The following DLGAP1 variants were observed in gnomAD, a reference collection of about 807,000 sequenced individuals.
DLGAP1 encodes disks large-associated protein 1.
A neutral mutation model predicts 90.8 loss-of-function variants in DLGAP1; 11 were observed. That is an observed-to-expected ratio of 0.12 (90% CI 0.08 to 0.20). The LOEUF is 0.20. Among genes scored for constraint, DLGAP1 ranks in the 10% least tolerant of loss-of-function variants. DLGAP1 has a pLI of 1.00. For synonymous variants in DLGAP1, 558 were observed against 540.7 expected (o/e 1.03, Z -0.44); for missense variants, 1,050 against 1,333.8 (o/e 0.79, Z 3.31).
intron 3 of DLGAP1, among the ~76,000 whole-genome samples, chr18:3,988,026 T>C (rs908045858): frequency 5.9e-5 from 9 of 152,114 alleles, no homozygotes; most frequent in Non-Finnish European, 1.0e-4. Context: ...TACATTGTAA[T>C]ATGTAGTGGA....
At chr18:3,586,947 A>G (rs1213395838) in intron 7 of DLGAP1, among the ~76,000 whole-genome samples, 1 of 152,244 alleles carries the variant, frequency 6.6e-6, no homozygotes. Context: ...GTGAAACACC[A>G]GCCAATATGT....
intron 7 of DLGAP1, among the ~76,000 whole-genome samples, chr18:3,590,803 C>T (rs2056192226): frequency 6.6e-6 from 1 of 151,608 alleles, no homozygotes; most frequent in African/African-American, 2.4e-5. Flanking sequence ...TGCAGTGAGC[C>T]GCAGAGGTTG....
At chr18:4,297,371 TTGAA>T in intron 1 of DLGAP1, among the ~76,000 whole-genome samples, 1 of 152,266 alleles carries the variant, frequency 6.6e-6, no homozygotes, top group African/African-American at 2.4e-5. Context: ...GAAAAATTTA[TTGAA>T]ATATAATATC....
intron 9 of DLGAP1, among the ~76,000 whole-genome samples, chr18:3,552,557 G>A (rs1724596678): frequency 6.6e-6 from 1 of 152,114 alleles, no homozygotes; most frequent in Admixed American, 6.5e-5. Flanking sequence ...CGGGACCCTG[G>A]GGGCTGAGCG....
At chr18:4,269,034 T>G (rs1174560119) in intron 1 of DLGAP1, among the ~76,000 whole-genome samples, 2 of 152,042 alleles carry the variant, frequency 1.3e-5, no homozygotes, top group Non-Finnish European at 2.9e-5. Flanking sequence ...AATGTCAGAT[T>G]GATGGATTAT....
chr18:3,852,666 C>T (rs1475049710), intron 4 of DLGAP1, among the ~76,000 whole-genome samples: 1 of 151,988 alleles, frequency 6.6e-6, no homozygotes, highest in Non-Finnish European at 1.5e-5. Flanking sequence ...TTTTTCTATT[C>T]CCAATTTGTT....
intron 1 of DLGAP1, among the ~76,000 whole-genome samples, chr18:4,224,693 A>T (rs1309290503): frequency 6.6e-6 from 1 of 150,712 alleles, no homozygotes; most frequent in Non-Finnish European, 1.5e-5. Context: ...ATAGAGCACC[A>T]GGTAGGTTCC....
At chr18:3,542,973 C>G (rs2052776130) in intron 9 of DLGAP1, among the ~76,000 whole-genome samples, 1 of 152,176 alleles carries the variant, frequency 6.6e-6, no homozygotes, top group Non-Finnish European at 1.5e-5. Flanking sequence ...TAAACTTCAA[C>G]TAGGAGTCTC....
chr18:3,939,180 T>TCGGA (rs71297352), intron 3 of DLGAP1, among the ~76,000 whole-genome samples: 1 of 151,432 alleles, frequency 6.6e-6, no homozygotes, highest in Non-Finnish European at 1.5e-5. Context: ...CCCAGCACTT[T>TCGGA]GGCCAAGGTG....
chr18:4,217,355 A>G lies in DLGAP1; in HGVS notation c.-266-66068T>C, dbSNP rs73942719. 9.6e-3 allele frequency among the ~76,000 whole-genome samples: 1,469 copies of G among 152,266 alleles called. 29 individuals are homozygous for G. Among genetic ancestry groups the G allele is most frequent in the African/African-American group, 0.033 (1,364 of 41,546 alleles). On this transcript the variant is annotated intron_variant, in intron 1 of 12. Coordinates refer to ENST00000315677, the MANE Select transcript of DLGAP1 (RefSeq NM_004746.4). ...TGATATAAATATTCATGTTCAGGTT[A>G]CAGTGTGGAAATTAGTTTTTAACTG...
rs545689400 is a variant in DLGAP1, at chr18:3,794,658, C to G, written c.1172+19401G>C. On this transcript the variant is annotated intron_variant, in intron 5 of 12. Transcript: ENST00000315677. The stretch of plus-strand genomic sequence containing the variant: ...TGGGATTGAGTCATTCATGTGGGAC[C>G]ATACGTAGCCACAAAGGTGTGACTT... 1.3e-3 allele frequency among the ~76,000 whole-genome samples: 199 copies of G among 152,322 alleles called. 1 individual carries two copies. The highest frequency in any genetic ancestry group is 4.6e-3 in the African/African-American group (193 of 41,570).
intron 7 of DLGAP1, among the ~76,000 whole-genome samples, chr18:3,692,700 T>G (rs1319957521): frequency 6.6e-6 from 1 of 152,252 alleles, no homozygotes; most frequent in African/African-American, 2.4e-5. Context: ...CTCCTGTTAC[T>G]GAGTTCACAT....
chr18:4,394,147 G>A lies in DLGAP1; in HGVS notation c.-267+60859C>T, dbSNP rs377428920. Among the ~76,000 whole-genome samples, 7 of 151,480 alleles carry A rather than the reference G, an allele frequency of 4.6e-5. 1 individual carries two copies. The South Asian group carries it at 1.2e-3, about 27-fold the overall frequency. ...CTAAACATAATAAGGTGACAAGAAA[G>A]TTTCTGCATATGTGAAGACAAAACA... On this transcript the variant is annotated intron_variant, in intron 1 of 12. Transcript: ENST00000315677.
At chr18:4,268,846 G>A (rs988433238) in intron 1 of DLGAP1, among the ~76,000 whole-genome samples, 5 of 151,792 alleles carry the variant, frequency 3.3e-5, no homozygotes, top group African/African-American at 7.3e-5. Flanking sequence ...CTTTTACATC[G>A]GTCCAGTACC....
At chr18:3,932,402 T>C (rs190147061) in intron 3 of DLGAP1, among the ~76,000 whole-genome samples, 132 of 152,336 alleles carry the variant, frequency 8.7e-4, no homozygotes, top group African/African-American at 3.1e-3. Flanking sequence ...CTAAGCTCAG[T>C]GGCAGATGGG....
At chr18:4,183,086 C>A (rs951093316) in intron 1 of DLGAP1, among the ~76,000 whole-genome samples, 59 of 151,842 alleles carry the variant, frequency 3.9e-4, no homozygotes, top group African/African-American at 1.4e-3. Flanking sequence ...CCATCAGAAA[C>A]CAAAAGAAAA....
intron 1 of DLGAP1, among the ~76,000 whole-genome samples, chr18:4,219,190 T>C (rs1373008568): frequency 6.6e-6 from 1 of 151,970 alleles, no homozygotes; most frequent in Non-Finnish European, 1.5e-5. Flanking sequence ...TAAGATGATA[T>C]CTCATTGGGG....
chr18:4,045,465 A>AAAAAAAAAAAAAAG (rs2075038289), intron 2 of DLGAP1, among the ~76,000 whole-genome samples: 5 of 130,266 alleles, frequency 3.8e-5, no homozygotes, highest in African/African-American at 1.4e-4. Flanking sequence ...AAAAAAAAAA[A>AAAAAAAAAAAAAAG]GCTTGCCCCT....
rs947539085 is a variant in DLGAP1 at position 4,077,797 on chromosome 18, CAGG to C, written c.-158-72599_-158-72597del. Among the ~76,000 whole-genome samples, 4 of 152,146 alleles carry C rather than the reference CAGG, an allele frequency of 2.6e-5. No individual in the cohort carries two copies. In the South Asian group the frequency reaches 8.3e-4, roughly 32 times the overall value. ...TATAGCAACACCAGATGGATTAAGA[CAGG>C]AGTATACAGGCCCCAAATCCCTATG... On this transcript the variant is annotated intron_variant, in intron 2 of 12. Transcript: ENST00000315677.
Sources: allele counts gnomAD v4.1 joint callset (sites outside exome capture counted in the v4.1 genomes callset), GRCh38; gene constraint gnomAD v4.1.1; transcripts MANE v1.5; gene names NCBI Gene and HGNC (gene_info 2026-07-23, HGNC 2026-07-21).